Variants in HECA observed in about 807,000 individuals in gnomAD.
The protein encoded by HECA is headcase protein homolog.
Under a neutral mutation model 37.6 loss-of-function variants are expected in HECA, and 13 were observed. That is an observed-to-expected ratio of 0.35 (90% CI 0.23 to 0.55). HECA has a LOEUF of 0.55. HECA is among the 20% of genes least tolerant of loss of function. The pLI, the probability that HECA is intolerant of heterozygous loss-of-function variation, is 0.90. For synonymous variants in HECA, 307 were observed against 291.5 expected (o/e 1.05, Z -0.54); for missense variants, 527 against 701.9 (o/e 0.75, Z 2.82).
In HECA at chr6:139,166,863, A is replaced by T; in HGVS notation, c.851A>T (p.His284Leu). 6.2e-7 allele frequency: 1 copy of T among 1,613,832 alleles called. No individual in the cohort carries two copies. The highest frequency in any genetic ancestry group is 8.5e-7 in the Non-Finnish European group (1 of 1,179,936). ...GGCTACTCCATCCTCTCTCCTGCCC[A>T]CTTCAGCGGCCCCCGCTCCTCCAGA... ...PTGYSILSPA[H>L]FSGPRSSRYL... The change falls in exon 2 of 4, where the codon CAC becomes CTC. Residue 284 changes from histidine (H) to leucine (L), a missense_variant. His to Leu is a moderately conservative substitution (Grantham distance 99). Transcript: ENST00000367658.
In HECA at chr6:139,166,714, C is replaced by G; in HGVS notation, c.702C>G (p.Gly234=). The change falls in exon 2 of 4, where the codon GGC becomes GGG. Residue 234 remains glycine, a synonymous_variant. Transcript: ENST00000367658. ...KCRPPNKPQK[G]PSHDLPRRHS... ...GGCCCCCAAATAAGCCCCAGAAAGG[C>G]CCAAGCCACGACCTCCCCCGCCGGC... 2.5e-6 allele frequency: 4 copies of G among 1,611,308 alleles called. No homozygotes were observed. Among genetic ancestry groups the G allele is most frequent in the Non-Finnish European group, 3.4e-6 (4 of 1,178,874 alleles).
At chr6:139,163,606 G>A (rs1444239402) in intron 1 of HECA, among the ~76,000 whole-genome samples, 9 of 152,088 alleles carry the variant, frequency 5.9e-5, no homozygotes, top group Admixed American at 2.0e-4. Context: ...CACCCGCCAC[G>A]GCCTTCGAAA....
chr6:139,149,891 C>T (rs1774631079), intron 1 of HECA, among the ~76,000 whole-genome samples: 1 of 152,176 alleles, frequency 6.6e-6, no homozygotes, highest in African/African-American at 2.4e-5. Flanking sequence ...GTGGATCAAT[C>T]CTGTCCCTGA....
intron 1 of HECA, among the ~76,000 whole-genome samples, chr6:139,144,847 G>T (rs902203867): frequency 6.6e-6 from 1 of 152,184 alleles, no homozygotes; most frequent in Admixed American, 6.5e-5. Context: ...CAGGATCCAA[G>T]ACTGCTGTAT....
At chr6:139,150,272 C>T (rs1173992692) in intron 1 of HECA, among the ~76,000 whole-genome samples, 1 of 151,910 alleles carries the variant, frequency 6.6e-6, no homozygotes, top group African/African-American at 2.4e-5. Flanking sequence ...AAATACTGGT[C>T]ATGTGTATGT....
rs1774900424 is a variant in HECA at position 139,167,069 on chromosome 6, C to T, written c.1057C>T (p.Leu353Phe). The T allele has an allele frequency of 6.2e-7, 1 of 1,614,114 alleles. No homozygotes were observed. Among genetic ancestry groups the T allele is most frequent in the South Asian group, 1.1e-5 (1 of 91,096 alleles). ...FLRRLDLSEL[L>F]THIPRHKLNT... Reference sequence around the variant, plus strand: ...TCGGCGGCTGGACCTCTCCGAACTCCTCACTCACATCCCCAGGCATAAGCT... The same window carrying T: ...TCGGCGGCTGGACCTCTCCGAACTCTTCACTCACATCCCCAGGCATAAGCT... Residue 353 changes from leucine (L) to phenylalanine (F), a missense_variant, in exon 2 of 4, where the codon CTC (leucine) becomes TTC (phenylalanine). Physicochemically the swap from Leu to Phe is conservative, Grantham distance 22. Transcript: ENST00000367658.
At chr6:139,151,710 G>C (rs1774652769) in intron 1 of HECA, among the ~76,000 whole-genome samples, 1 of 152,186 alleles carries the variant, frequency 6.6e-6, no homozygotes, top group Non-Finnish European at 1.5e-5. Context: ...TGGTGCAAAA[G>C]TAATTTGCGA....
intron 1 of HECA, among the ~76,000 whole-genome samples, chr6:139,137,046 C>T (rs767456806): frequency 6.6e-6 from 1 of 152,170 alleles, no homozygotes; most frequent in African/African-American, 2.4e-5. Context: ...GGCTGTGTCT[C>T]TGCAATATTG....
chr6:139,180,336 G>T lies in HECA; in HGVS notation c.*3231G>T, dbSNP rs541128301. On this transcript the variant is annotated 3_prime_UTR_variant, in exon 4 of 4. Transcript: ENST00000367658. ...CCAGAACTAATTTGCTAAGTCTTTT[G>T]TTTAGTCCTGCAAGACTGATGCTTA... 8 of 152,716 alleles carry T rather than the reference G, an allele frequency of 5.2e-5. No individual in the cohort carries two copies. Among genetic ancestry groups the T allele is most frequent in the African/African-American group, 1.9e-4 (8 of 41,560 alleles). 9.5% of individuals were successfully genotyped at this position (152,716 alleles called of 1,614,324 possible). A position where few individuals can be genotyped will look rare whatever the true frequency, so the allele number is the denominator to read the frequency against.
chr6:139,148,225 AT>A (rs1237140256), intron 1 of HECA, among the ~76,000 whole-genome samples: 5 of 152,056 alleles, frequency 3.3e-5, no homozygotes, highest in Non-Finnish European at 7.4e-5. Context: ...TTTCAGCCTT[AT>A]TTATGGTTGT....
Position 139,166,768 on chromosome 6 carries a change from G to C in HECA, c.756G>C (p.Glu252Asp). 6.2e-7 allele frequency: 1 copy of C among 1,613,858 alleles called. No individual in the cohort carries two copies. Among genetic ancestry groups the C allele is most frequent in the Non-Finnish European group, 8.5e-7 (1 of 1,179,952 alleles). ...CCATGGACCGGCAGAACTCCCAGGAGAAGGCAGTGGGTGCCGCAGCCTACG... is the reference window on the plus strand; with the variant it reads ...CCATGGACCGGCAGAACTCCCAGGACAAGGCAGTGGGTGCCGCAGCCTACG... The part of the protein sequence containing the change: ...RHSMDRQNSQ[E>D]KAVGAAAYGA... The change falls in exon 2 of 4, where the codon GAG becomes GAC. Residue 252 changes from glutamate to aspartate, a missense_variant. Physicochemically the swap from Glu to Asp is conservative, Grantham distance 45. Around this residue, in one of 4 missense-constraint regions of HECA, gnomAD observed 228 missense variants for 259.8 expected, o/e 0.88. Transcript: ENST00000367658.
chr6:139,166,954 C>T lies in HECA; in HGVS notation c.942C>T (p.Gly314=). ...LEPHKKAMAG[G]HVFRNAHFDY... ...CTCACAAGAAGGCCATGGCTGGGGG[C>T]CATGTGTTCAGAAATGCCCACTTTG... The change falls in exon 2 of 4, where the codon GGC becomes GGT. Residue 314 remains glycine (G), a synonymous_variant. Transcript: ENST00000367658. 6.2e-7 allele frequency: 1 copy of T among 1,614,152 alleles called. No homozygotes were observed. The highest frequency in any genetic ancestry group is 1.1e-5 in the South Asian group (1 of 91,086).
chr6:139,178,334 C>G lies in HECA; in HGVS notation c.*1229C>G, dbSNP rs1286814664. The G allele has an allele frequency of 6.6e-6, 1 of 152,098 alleles. No homozygotes were observed. The highest frequency in any genetic ancestry group is 1.5e-5 in the Non-Finnish European group (1 of 68,036). The allele number at this position is 152,098 out of a possible 1,614,324, so 9.4% of individuals were successfully genotyped here. A position where few individuals can be genotyped will look rare whatever the true frequency, so the allele number is the denominator to read the frequency against. ...AGTAGATTTTAATGCTTTAAATAGA[C>G]TGACGTCGCATACCCTTATAGAATT... On this transcript the variant is annotated 3_prime_UTR_variant, in exon 4 of 4. Coordinates refer to ENST00000367658, the MANE Select transcript of HECA (RefSeq NM_016217.3).
chr6:139,148,990 A>C (rs931149323), intron 1 of HECA, among the ~76,000 whole-genome samples: 2 of 152,226 alleles, frequency 1.3e-5, no homozygotes, highest in Non-Finnish European at 2.9e-5. Context: ...CTCAAGAACC[A>C]GGCTGCAAAC....
At position 139,167,001 on chromosome 6, in the gene HECA, C is replaced by T. The variant is rs775732645; in HGVS notation, c.989C>T (p.Ala330Val). The T allele has an allele frequency of 2.5e-6, 4 of 1,614,078 alleles. No homozygotes were observed. In the East Asian group the frequency reaches 8.9e-5, roughly 36 times the overall value. Residue 330 changes from alanine (A) to valine (V), a missense_variant, in exon 2 of 4, where the codon GCA becomes GTA. Physicochemically the swap from Ala to Val is moderately conservative, Grantham distance 64. This residue lies in a region of HECA where 228 missense variants were observed against 259.8 expected (regional missense o/e 0.88). Transcript: ENST00000367658. ...AHFDYSPAGLAVHRGGHFDTP... is the reference protein window; with the variant it reads ...AHFDYSPAGLVVHRGGHFDTP... ...TTTGATTACAGCCCTGCGGGGTTGG[C>T]AGTTCACAGGGGGGGACACTTCGAC...
At chr6:139,174,336 A>G (rs1437313675) in intron 2 of HECA, 49 bp from the exon 3 acceptor site, 1 of 1,563,194 alleles carries the variant, frequency 6.4e-7, no homozygotes, top group Non-Finnish European at 8.7e-7. Context: ...TGGAGATGAA[A>G]TGTGATTTCC....
intron 2 of HECA, among the ~76,000 whole-genome samples, chr6:139,168,916 G>A (rs537781046): frequency 8.2e-4 from 125 of 152,236 alleles, no homozygotes; most frequent in African/African-American, 2.9e-3. Flanking sequence ...ATCTTACAAT[G>A]TCACTATTTT....
In HECA at chr6:139,166,837, G is replaced by A. The variant is rs1342172981; in HGVS notation, c.825G>A (p.Thr275=). ...GCTCCCCGGGCCAGTCCCCACCCAC[G>A]GGCTACTCCATCCTCTCTCCTGCCC... The part of the protein sequence containing the change: ...PGGSPGQSPP[T]GYSILSPAHF... Residue 275 remains threonine, a synonymous_variant, in exon 2 of 4, where the codon ACG becomes ACA. Coordinates refer to ENST00000367658, the MANE Select transcript of HECA (RefSeq NM_016217.3). The A allele has an allele frequency of 4.3e-6, 7 of 1,613,750 alleles. No homozygotes were observed. Among genetic ancestry groups the A allele is most frequent in the South Asian group, 2.2e-5 (2 of 91,066 alleles).
At chr6:139,136,535 G>A (rs931060165) in intron 1 of HECA, among the ~76,000 whole-genome samples, 4 of 151,914 alleles carry the variant, frequency 2.6e-5, no homozygotes, top group African/African-American at 9.7e-5. Flanking sequence ...GGAAGACAAC[G>A]TAGGTATTTT....
Sources: allele counts gnomAD v4.1 joint callset (sites outside exome capture counted in the v4.1 genomes callset), GRCh38; gene constraint gnomAD v4.1.1; regional missense constraint gnomAD v4.1.1; transcripts MANE v1.5; gene names NCBI Gene and HGNC (gene_info 2026-07-23, HGNC 2026-07-21).